The following FBXL7 variants were observed in gnomAD, a reference collection of about 807,000 sequenced individuals.
The protein encoded by FBXL7 is F-box/LRR-repeat protein 7.
A neutral mutation model predicts 38.3 loss-of-function variants in FBXL7; 12 were observed. The observed-to-expected ratio is 0.31, with a 90% CI of 0.20 to 0.51. The LOEUF (loss-of-function observed/expected upper bound fraction) is 0.51, where lower values mean the gene tolerates loss of function less well. FBXL7 is among the 20% of genes least tolerant of loss of function. FBXL7 has a pLI of 0.98. For synonymous variants in FBXL7, 297 were observed against 300.9 expected, an observed-to-expected ratio of 0.99 and a Z score of 0.13; for missense variants, 567 against 676.4, an observed-to-expected ratio of 0.84 and a Z score of 1.79.
At chr5:15,521,474 T>A (rs559476977) in intron 1 of FBXL7, among the ~76,000 whole-genome samples, 2 of 152,320 alleles carry the variant, frequency 1.3e-5, no homozygotes, top group South Asian at 4.1e-4. Context: ...ATTGTCATGA[T>A]TTAACTTACT....
chr5:15,869,469 A>G (rs562511349), intron 2 of FBXL7, among the ~76,000 whole-genome samples: 60 of 152,276 alleles, frequency 3.9e-4, no homozygotes, highest in Non-Finnish European at 3.2e-4. Context: ...CTTTCACGCA[A>G]GAATTGTCCA....
chr5:15,721,670 A>G (rs1221674606), intron 2 of FBXL7, among the ~76,000 whole-genome samples: 1 of 152,064 alleles, frequency 6.6e-6, no homozygotes, highest in Non-Finnish European at 1.5e-5. Flanking sequence ...CCTTCCTACT[A>G]TGCCATTTCT....
chr5:15,731,362 G>C (rs1561103520), intron 2 of FBXL7, among the ~76,000 whole-genome samples: 1 of 152,096 alleles, frequency 6.6e-6, no homozygotes, highest in East Asian at 1.9e-4. Context: ...CAAAGAGAAA[G>C]CTTGTGCAGA....
chr5:15,571,702 A>G (rs537649940), intron 1 of FBXL7, among the ~76,000 whole-genome samples: 2 of 152,166 alleles, frequency 1.3e-5, no homozygotes, highest in Admixed American at 6.5e-5. Flanking sequence ...GTCCACCTCA[A>G]TGCCATAAGG....
intron 1 of FBXL7, among the ~76,000 whole-genome samples, chr5:15,564,619 A>T (rs1409415452): frequency 6.6e-6 from 1 of 152,118 alleles, no homozygotes; most frequent in Non-Finnish European, 1.5e-5. Context: ...TTCAGTAAAG[A>T]AAGAAAATCT....
intron 2 of FBXL7, among the ~76,000 whole-genome samples, chr5:15,750,943 A>G (rs529599210): frequency 1.3e-5 from 2 of 152,344 alleles, no homozygotes; most frequent in Admixed American, 1.3e-4. Flanking sequence ...GAAAGACACA[A>G]TGCACAAACC....
chr5:15,580,916 A>G (rs1337038413), intron 1 of FBXL7: 2 of 718,234 alleles, frequency 2.8e-6, no homozygotes, highest in Admixed American at 6.3e-5. Flanking sequence ...ATCCACTCTT[A>G]GCTAGCCGGG....
Position 15,529,447 on chromosome 5 carries a change from G to A in FBXL7, c.37+28734G>A, listed in dbSNP as rs547424957. ...GTCTCCCAGGCTGGAGTGCAGTGGC[G>A]CGATCTCGGCTCACTGCAAGCTCTG... On this transcript the variant is annotated intron_variant, in intron 1 of 3. Coordinates refer to ENST00000504595, the MANE Select transcript of FBXL7 (RefSeq NM_012304.5). 5.9e-5 allele frequency among the ~76,000 whole-genome samples: 9 copies of A among 151,586 alleles called. No individual in the cohort carries two copies. In the East Asian group the frequency reaches 7.8e-4, roughly 13 times the overall value.
chr5:15,544,272 A>G (rs910816194), intron 1 of FBXL7, among the ~76,000 whole-genome samples: 5 of 152,154 alleles, frequency 3.3e-5, no homozygotes, highest in South Asian at 2.1e-4. Flanking sequence ...CTAAGCCCCA[A>G]TTCTGGGGCT....
At chr5:15,647,284 T>C (rs1741563182) in intron 2 of FBXL7, among the ~76,000 whole-genome samples, 1 of 152,246 alleles carries the variant, frequency 6.6e-6, no homozygotes, top group African/African-American at 2.4e-5. Flanking sequence ...TCTAATGTGG[T>C]AAGTAAGACA....
At chr5:15,641,918 A>G (rs997451760) in intron 2 of FBXL7, among the ~76,000 whole-genome samples, 11 of 150,650 alleles carry the variant, frequency 7.3e-5, no homozygotes, top group Middle Eastern at 3.4e-3. Flanking sequence ...ATAACATAGT[A>G]TATGGTAACT....
intron 2 of FBXL7, among the ~76,000 whole-genome samples, chr5:15,682,372 T>C (rs1297462090): frequency 6.6e-6 from 1 of 152,176 alleles, no homozygotes; most frequent in East Asian, 1.9e-4. Flanking sequence ...AATGTGGCCT[T>C]AGGGTGTATC....
chr5:15,816,466 A>G (rs755789700), intron 2 of FBXL7, among the ~76,000 whole-genome samples: 2 of 152,040 alleles, frequency 1.3e-5, no homozygotes, highest in African/African-American at 2.4e-5. Context: ...ACAGAGTGGT[A>G]TAATGGACAT....
chr5:15,612,799 T>C (rs905918349), intron 1 of FBXL7, among the ~76,000 whole-genome samples: 1 of 152,168 alleles, frequency 6.6e-6, no homozygotes, highest in African/African-American at 2.4e-5. Context: ...GAAAGTGATA[T>C]GCAGGTTGAG....
chr5:15,575,647 G>T (rs552966857), intron 1 of FBXL7, among the ~76,000 whole-genome samples: 1 of 152,212 alleles, frequency 6.6e-6, no homozygotes, highest in South Asian at 2.1e-4. Context: ...CTTGGTTTTT[G>T]GACTGCTTAG....
chr5:15,565,426 T>C (rs1384914622), intron 1 of FBXL7, among the ~76,000 whole-genome samples: 1 of 151,966 alleles, frequency 6.6e-6, no homozygotes, highest in Non-Finnish European at 1.5e-5. Flanking sequence ...TCATGTTGTA[T>C]TAGTCAGGTT....
At chr5:15,897,428 G>A (rs936259857) in intron 2 of FBXL7, among the ~76,000 whole-genome samples, 1 of 152,198 alleles carries the variant, frequency 6.6e-6, no homozygotes, top group Admixed American at 6.5e-5. Context: ...TGATCATGGA[G>A]TTTACAGTCT....
chr5:15,913,330 C>T (rs1741493455), intron 2 of FBXL7, among the ~76,000 whole-genome samples: 1 of 150,222 alleles, frequency 6.7e-6, no homozygotes, highest in African/African-American at 2.5e-5. Flanking sequence ...AGGTTAGTTA[C>T]ATATGTATAC....
At chr5:15,891,818 C>T (rs1387956242) in intron 2 of FBXL7, among the ~76,000 whole-genome samples, 1 of 152,192 alleles carries the variant, frequency 6.6e-6, no homozygotes, top group Non-Finnish European at 1.5e-5. Flanking sequence ...GGACTAGCTA[C>T]AGTAGGAAGC....
Sources: gnomAD v4.1 joint callset for allele counts (sites outside exome capture counted in the v4.1 genomes callset) on GRCh38, gnomAD v4.1.1 for gene constraint, MANE v1.5 for transcripts, NCBI Gene and HGNC (gene_info 2026-07-23, HGNC 2026-07-21) for gene names.